The following ADCY10 variants were observed in gnomAD, a reference collection of about 807,000 sequenced individuals.
The protein encoded by ADCY10 is adenylate cyclase type 10.
In ADCY10, 156 loss-of-function variants were observed where a neutral mutation model predicts 183.3. The ratio of observed to expected loss-of-function variants is 0.85; its 90% CI spans 0.75 to 0.97. ADCY10 has a LOEUF of 0.97. Among genes scored for constraint, ADCY10 ranks in the 50% least tolerant of loss-of-function variants. ADCY10 has a pLI of 0.00. For missense variants in ADCY10, 1,745 were observed against 1,934.3 expected (o/e 0.90, Z 1.84); for synonymous variants, 645 against 670.0 (o/e 0.96, Z 0.58).
At chr1:167,909,032 T>C (rs1253558089) in intron 1 of ADCY10, among the ~76,000 whole-genome samples, 1 of 152,222 alleles carries the variant, frequency 6.6e-6, no homozygotes, top group African/African-American at 2.4e-5. Context: ...CATTACCAGC[T>C]TTCCAGAAGT....
Position 167,836,652 on chromosome 1 carries a change from G to A in ADCY10, c.3078-112C>T, listed in dbSNP as rs1664226266. 5.3e-6 allele frequency: 4 copies of A among 756,000 alleles called. No individual in the cohort carries two copies. The South Asian group carries it at 6.4e-5, about 12-fold the overall frequency. The allele number at this position is 756,000 out of a possible 1,614,324, so 46.8% of individuals were successfully genotyped here. A position where few individuals can be genotyped will look rare whatever the true frequency, so the allele number is the denominator to read the frequency against. On this transcript the variant is annotated intron_variant, in intron 22 of 32. Coordinates refer to ENST00000367851, the MANE Select transcript of ADCY10 (RefSeq NM_018417.6). Reference sequence around the variant, plus strand: ...CGCCTGTAATTCCAGCAGTTTGGGAGGCCGAAGCTGGTGGATCATCTGAGA... The same window carrying A: ...CGCCTGTAATTCCAGCAGTTTGGGAAGCCGAAGCTGGTGGATCATCTGAGA...
At chr1:167,860,781 C>T (rs187664678) in intron 15 of ADCY10, 90 bp downstream of exon 15, 3 of 1,112,686 alleles carry the variant, frequency 2.7e-6, no homozygotes, top group East Asian at 4.7e-5. Flanking sequence ...GATATACAGA[C>T]CAAAGAGATG....
At chr1:167,895,211 A>G (rs1261585247) in intron 7 of ADCY10, among the ~76,000 whole-genome samples, 1 of 151,572 alleles carries the variant, frequency 6.6e-6, no homozygotes, top group Non-Finnish European at 1.5e-5. Flanking sequence ...ATTGCATTGC[A>G]GTATTATGGT....
chr1:167,830,614 G>A (rs1275968468), intron 25 of ADCY10, among the ~76,000 whole-genome samples: 2 of 152,160 alleles, frequency 1.3e-5, no homozygotes, highest in Non-Finnish European at 2.9e-5. Flanking sequence ...GGCTGGTCCT[G>A]AACCCCTGAC....
At chr1:167,870,719 G>A (rs1362610371) in intron 13 of ADCY10, among the ~76,000 whole-genome samples, 2 of 149,742 alleles carry the variant, frequency 1.3e-5, no homozygotes, top group Non-Finnish European at 3.0e-5. Flanking sequence ...TGAGGTAAGA[G>A]AATTGCTTGA....
At chr1:167,867,205 C>T (rs1433863882) in intron 14 of ADCY10, among the ~76,000 whole-genome samples, 1 of 152,170 alleles carries the variant, frequency 6.6e-6, no homozygotes, top group African/African-American at 2.4e-5. Flanking sequence ...CAAAACCATC[C>T]TTAAACATCA....
At chr1:167,831,486 A>C (rs1269555867) in intron 25 of ADCY10, among the ~76,000 whole-genome samples, 1 of 152,110 alleles carries the variant, frequency 6.6e-6, no homozygotes, top group Non-Finnish European at 1.5e-5. Flanking sequence ...GAGCCACAAC[A>C]CCCAGCCCTG....
In ADCY10 at chr1:167,844,595, T is replaced by C. The variant is rs546526873; in HGVS notation, c.3007+968A>G. On this transcript the variant is annotated intron_variant, in intron 21 of 32. Coordinates refer to ENST00000367851, the MANE Select transcript of ADCY10 (RefSeq NM_018417.6). ...CATTCTGTGGTATTGGGTAAGTTACTTAAGCTTCCAGAACCACAATTTAAA... is the reference window on the plus strand; with the variant it reads ...CATTCTGTGGTATTGGGTAAGTTACCTAAGCTTCCAGAACCACAATTTAAA... 3.9e-5 allele frequency among the ~76,000 whole-genome samples: 6 copies of C among 152,286 alleles called. 1 individual carries two copies. The highest frequency in any genetic ancestry group is 1.4e-4 in the African/African-American group (6 of 41,560).
At chr1:167,875,289 C>G in intron 12 of ADCY10, 103 bp from the exon 13 acceptor site, 1 of 1,167,290 alleles carries the variant, frequency 8.6e-7, no homozygotes, top group South Asian at 1.3e-5. Context: ...TTCTCAATTG[C>G]TAACAAGAGT....
intron 1 of ADCY10, among the ~76,000 whole-genome samples, chr1:167,913,068 T>G (rs1202916270): frequency 6.6e-6 from 1 of 152,202 alleles, no homozygotes; most frequent in African/African-American, 2.4e-5. Flanking sequence ...TCAATGCATG[T>G]TGATGGTACC....
intron 30 of ADCY10, among the ~76,000 whole-genome samples, chr1:167,821,509 A>G (rs1450474139): frequency 6.6e-6 from 1 of 152,258 alleles, no homozygotes; most frequent in Non-Finnish European, 1.5e-5. Context: ...TCTCTCTGCT[A>G]CAAGAGGCCT....
chr1:167,822,074 G>C lies in ADCY10; in HGVS notation c.4236C>G (p.Leu1412=). The change falls in exon 30 of 33, where the codon CTC becomes CTG. Residue 1412 remains leucine (L), a synonymous_variant. Transcript: ENST00000367851. The part of the protein sequence containing the change: ...FIHQYENNRI[L]KFHSGLLLGL... The stretch of plus-strand genomic sequence containing the variant: ...CCAGGAGGAGTCCACTGTGGAACTT[G>C]AGGATTCTGTTGTTTTCGTATTGGT... The C allele has an allele frequency of 6.2e-7, 1 of 1,610,652 alleles. No homozygotes were observed. Among genetic ancestry groups the C allele is most frequent in the Non-Finnish European group, 8.5e-7 (1 of 1,176,750 alleles).
At chr1:167,868,095 C>T (rs980994137) in intron 14 of ADCY10, among the ~76,000 whole-genome samples, 3 of 152,262 alleles carry the variant, frequency 2.0e-5, no homozygotes, top group Middle Eastern at 3.4e-3. Context: ...AAACTCTCTC[C>T]GGAACCAGTA....
At chr1:167,913,394 C>T (rs1006481499) in intron 1 of ADCY10, among the ~76,000 whole-genome samples, 2 of 152,172 alleles carry the variant, frequency 1.3e-5, no homozygotes, top group African/African-American at 4.8e-5. Flanking sequence ...AGTCAGGTTT[C>T]ACGAGTCCAA....
chr1:167,848,345 G>A lies in ADCY10; in HGVS notation c.2437+16C>T, dbSNP rs753066901. 16 of 1,611,016 alleles carry A rather than the reference G, an allele frequency of 9.9e-6. No homozygotes were observed. Among genetic ancestry groups the A allele is most frequent in the Admixed American group, 6.7e-5 (4 of 59,946 alleles). ...ATTACAGGCGTGAGCCACTGCGCCC[G>A]GCCAGATTTTCTTACCTTTTAATGA... On this transcript the variant is annotated intron_variant, in intron 19 of 32. Coordinates refer to ENST00000367851, the MANE Select transcript of ADCY10 (RefSeq NM_018417.6).
chr1:167,822,163 G>T (rs763621713), intron 29 of ADCY10, 22 bp from the exon 30 acceptor site: 1 of 1,423,386 alleles, frequency 7.0e-7, no homozygotes, highest in South Asian at 1.1e-5. Flanking sequence ...AGGAATGGGT[G>T]AGAGTTATTA....
rs1223643477 is a variant in ADCY10, at chr1:167,856,279, A to C, written c.2057T>G (p.Val686Gly). The change falls in exon 17 of 33, where the codon GTA becomes GGA. Residue 686 changes from valine to glycine, a missense_variant. Transcript: ENST00000367851. ...GTAGGTGGTGTTCCTGTTCTTTATT[A>C]CGGCCCTGGCAGCTGCACAGGGAAT... ...VNIPCAAARA[V>G]IKNRNTTYIV... 6.2e-7 allele frequency: 1 copy of C among 1,613,978 alleles called. No individual in the cohort carries two copies. The highest frequency in any genetic ancestry group is 1.1e-5 in the South Asian group (1 of 91,070).
chr1:167,880,569 T>A lies in ADCY10; in HGVS notation c.1061A>T (p.Lys354Met). 6.2e-7 allele frequency: 1 copy of A among 1,613,208 alleles called. No individual in the cohort carries two copies. Among genetic ancestry groups the A allele is most frequent in the Non-Finnish European group, 8.5e-7 (1 of 1,179,376 alleles). ...FLCVFGFPGEKVPDELTHALE... is the reference protein window; with the variant it reads ...FLCVFGFPGEMVPDELTHALE... Reference sequence around the variant, plus strand: ...AGCATGAGTGAGCTCGTCAGGTACCTTTTCCCCAGGGAAGCCAAAGACACA... The same window carrying A: ...AGCATGAGTGAGCTCGTCAGGTACCATTTCCCCAGGGAAGCCAAAGACACA... Residue 354 changes from lysine to methionine, a missense_variant, in exon 10 of 33, where the codon AAG (lysine) becomes ATG (methionine). By Grantham distance (95) the Lys-to-Met change is moderately conservative. Transcript: ENST00000367851.
intron 29 of ADCY10, 105 bp downstream of exon 29, chr1:167,822,903 G>A (rs1663003453): frequency 1.0e-6 from 1 of 967,910 alleles, no homozygotes; most frequent in Admixed American, 1.8e-5. Context: ...AAGTCCACCA[G>A]CCAGAAACCT....
Sources: gnomAD v4.1 joint callset for allele counts (sites outside exome capture counted in the v4.1 genomes callset) on GRCh38, gnomAD v4.1.1 for gene constraint, MANE v1.5 for transcripts, NCBI Gene and HGNC (gene_info 2026-07-23, HGNC 2026-07-21) for gene names.